Variants in GNPNAT1 observed in about 807,000 individuals in gnomAD.
The protein encoded by GNPNAT1 is glucosamine 6-phosphate N-acetyltransferase.
A neutral mutation model predicts 19.8 loss-of-function variants in GNPNAT1; 11 were observed. That is an observed-to-expected ratio of 0.56 (90% confidence interval 0.35 to 0.92). The LOEUF (loss-of-function observed/expected upper bound fraction) is 0.92. GNPNAT1 is among the 40% of genes least tolerant of loss of function. GNPNAT1 has a pLI of 0.01. For missense variants in GNPNAT1, 157 were observed against 211.0 expected (o/e 0.74, Z 1.59); for synonymous variants, 71 against 72.3 (o/e 0.98, Z 0.09).
At position 52,790,250 on chromosome 14, in the gene GNPNAT1, A is replaced by G. The variant is rs1016395414; in HGVS notation, c.-15+1178T>C. ...ATGAAGATTTTAAAAGTCGATCTACAAATTTTAAAAAATACAATCTAAGGC... is the reference window on the plus strand; with the variant it reads ...ATGAAGATTTTAAAAGTCGATCTACGAATTTTAAAAAATACAATCTAAGGC... On this transcript the variant is annotated intron_variant, in intron 1 of 5. Transcript: ENST00000216410. Among the ~76,000 whole-genome samples, 19 of 152,356 alleles carry G rather than the reference A, an allele frequency of 1.2e-4. No individual in the cohort carries two copies. In the South Asian group the frequency reaches 1.9e-3, roughly 15 times the overall value.
At position 52,777,679 on chromosome 14, in the gene GNPNAT1, T is replaced by C. The variant is rs1415435765; in HGVS notation, c.*632A>G. The C allele has an allele frequency of 6.6e-6, 1 of 152,218 alleles. No homozygotes were observed. Among genetic ancestry groups the C allele is most frequent in the Non-Finnish European group, 1.5e-5 (1 of 68,030 alleles). The allele number at this position is 152,218 out of a possible 1,614,324, so 9.4% of individuals were successfully genotyped here. A position where few individuals can be genotyped will look rare whatever the true frequency, so the allele number is the denominator to read the frequency against. ...TGGTACTTTTTATCTACATAGACTA[T>C]ACTATATAAACTTTCAGTAAAACAT... On this transcript the variant is annotated 3_prime_UTR_variant, in exon 6 of 6. Coordinates refer to ENST00000216410, the MANE Select transcript of GNPNAT1 (RefSeq NM_198066.4).
rs1594889059 is a variant in GNPNAT1, at chr14:52,776,585, C to G, written c.*1726G>C. 1.3e-5 allele frequency: 2 copies of G among 152,204 alleles called. No individual in the cohort carries two copies. Among genetic ancestry groups the G allele is most frequent in the African/African-American group, 4.8e-5 (2 of 41,422 alleles). 9.4% of individuals were successfully genotyped at this position (152,204 alleles called of 1,614,324 possible). A position where few individuals can be genotyped will look rare whatever the true frequency, so the allele number is the denominator to read the frequency against. On this transcript the variant is annotated 3_prime_UTR_variant, in exon 6 of 6. Coordinates refer to ENST00000216410, the MANE Select transcript of GNPNAT1 (RefSeq NM_198066.4). ...TTTTTGTTTTGTTTTGAGATGGAGTCTCTCTCTGTCGCCAGGCTGGAGTGC... is the reference window on the plus strand; with the variant it reads ...TTTTTGTTTTGTTTTGAGATGGAGTGTCTCTCTGTCGCCAGGCTGGAGTGC...
At chr14:52,788,535 T>C (rs971015418) in intron 1 of GNPNAT1, among the ~76,000 whole-genome samples, 1 of 152,236 alleles carries the variant, frequency 6.6e-6, no homozygotes, top group African/African-American at 2.4e-5. Context: ...GAATGGTAGG[T>C]AGCAACATTG....
At position 52,777,026 on chromosome 14, in the gene GNPNAT1, C is replaced by CT. The variant is rs1474802896; in HGVS notation, c.*1284dup. On this transcript the variant is annotated 3_prime_UTR_variant, in exon 6 of 6. Transcript: ENST00000216410. ...GCTATAAGCAGGTAAGTAGTGCACTCTATTGGTGAAGGATTTCTGTTGTTT... is the reference window on the plus strand; with the variant it reads ...GCTATAAGCAGGTAAGTAGTGCACTCTTATTGGTGAAGGATTTCTGTTGTTT... 1 of 152,204 alleles carries CT rather than the reference C, an allele frequency of 6.6e-6. No homozygotes were observed. Among genetic ancestry groups the CT allele is most frequent in the Non-Finnish European group, 1.5e-5 (1 of 68,044 alleles). 9.4% of individuals were successfully genotyped at this position (152,204 alleles called of 1,614,324 possible).
Position 52,778,137 on chromosome 14 carries a change from C to T in GNPNAT1, c.*174G>A. The T allele has an allele frequency of 2.4e-6, 1 of 410,318 alleles. No homozygotes were observed. The highest frequency in any genetic ancestry group is 4.5e-5 in the Admixed American group (1 of 22,374). The allele number at this position is 410,318 out of a possible 1,614,324, so 25.4% of individuals were successfully genotyped here. A position where few individuals can be genotyped will look rare whatever the true frequency, so the allele number is the denominator to read the frequency against. On this transcript the variant is annotated 3_prime_UTR_variant, in exon 6 of 6. Transcript: ENST00000216410. ...ATTCATTTGTAATCTAAATTCACAG[C>T]ATGTCCCACCAGCCCAAAGTAATCT...
At chr14:52,789,769 A>C (rs1883111530) in intron 1 of GNPNAT1, among the ~76,000 whole-genome samples, 3 of 152,198 alleles carry the variant, frequency 2.0e-5, no homozygotes, top group Admixed American at 2.0e-4. Context: ...AGTTGTGTGA[A>C]GCGGAATCTC....
At chr14:52,783,750 T>C (rs1285812875) in intron 2 of GNPNAT1, among the ~76,000 whole-genome samples, 1 of 152,150 alleles carries the variant, frequency 6.6e-6, no homozygotes. Context: ...ACCCAGAACA[T>C]ACATTCTTCA....
At chr14:52,783,566 G>C in intron 2 of GNPNAT1, 81 bp from the exon 3 acceptor site, 1 of 837,296 alleles carries the variant, frequency 1.2e-6, no homozygotes, top group Non-Finnish European at 2.0e-6. Context: ...TTAAGCAGGT[G>C]GGCTTACAGG....
chr14:52,788,747 C>A (rs1883081068), intron 1 of GNPNAT1, among the ~76,000 whole-genome samples: 1 of 152,054 alleles, frequency 6.6e-6, no homozygotes, highest in Admixed American at 6.5e-5. Context: ...ATTCCTTTTT[C>A]CTATAAAGTT....
chr14:52,785,828 A>C (rs2139970395), intron 1 of GNPNAT1, among the ~76,000 whole-genome samples: 1 of 144,254 alleles, frequency 6.9e-6, no homozygotes, highest in South Asian at 2.3e-4. Context: ...GCTCACCACA[A>C]CCTCCGCCTC....
chr14:52,779,676 G>C (rs1377756054), intron 5 of GNPNAT1, among the ~76,000 whole-genome samples: 1 of 118,990 alleles, frequency 8.4e-6, no homozygotes, highest in African/African-American at 3.2e-5. Flanking sequence ...AGCTGTGATC[G>C]TACCACTGTA....
At chr14:52,786,117 T>C (rs1040307167) in intron 1 of GNPNAT1, among the ~76,000 whole-genome samples, 2 of 148,878 alleles carry the variant, frequency 1.3e-5, no homozygotes, top group Admixed American at 1.3e-4. Context: ...CAGGCTCAAA[T>C]TAATTTTTTT....
chr14:52,778,419 G>T lies in GNPNAT1; in HGVS notation c.447C>A (p.Asn149Lys). 1 of 1,609,680 alleles carries T rather than the reference G, an allele frequency of 6.2e-7. No homozygotes were observed. The highest frequency in any genetic ancestry group is 8.5e-7 in the Non-Finnish European group (1 of 1,178,524). Residue 149 changes from asparagine (N) to lysine (K), a missense_variant, in exon 6 of 6, where the codon AAC becomes AAA. Asn to Lys is a moderately conservative substitution (Grantham distance 94, BLOSUM62 0). Transcript: ENST00000216410. ...STLTLLSKKL[N>K]CYKITLECLP... is the part of the protein sequence containing the mutation. ...GACATTCAAGGGTAATCTTGTAACA[G>T]TTCAGTTTCTTGCTTAGCAAAGTAA...
rs1882767927 is a variant in GNPNAT1, at chr14:52,777,546, G to A, written c.*765C>T. 1 of 152,108 alleles carries A rather than the reference G, an allele frequency of 6.6e-6. No homozygotes were observed. The highest frequency in any genetic ancestry group is 6.6e-5 in the Admixed American group (1 of 15,266). The allele number at this position is 152,108 out of a possible 1,614,324, so 9.4% of individuals were successfully genotyped here. On this transcript the variant is annotated 3_prime_UTR_variant, in exon 6 of 6. Transcript: ENST00000216410. ...AAAAAAATCAGGGTAGAAACACATA[G>A]GCTGAGGTTTGCTAATTCACTGTTT... is the stretch of plus-strand genomic sequence containing the variant.
chr14:52,790,484 G>A (rs757354734), intron 1 of GNPNAT1, among the ~76,000 whole-genome samples: 1 of 152,188 alleles, frequency 6.6e-6, no homozygotes, highest in African/African-American at 2.4e-5. Context: ...ATGTTCAAAA[G>A]TATTTTCTGA....
At chr14:52,785,003 G>A (rs1440726546) in intron 1 of GNPNAT1, among the ~76,000 whole-genome samples, 3 of 144,750 alleles carry the variant, frequency 2.1e-5, no homozygotes, top group Non-Finnish European at 4.5e-5. Flanking sequence ...CCGGCTCACT[G>A]CAACCTCTGC....
At chr14:52,781,278 C>T (rs573531418) in intron 4 of GNPNAT1, among the ~76,000 whole-genome samples, 68 of 152,030 alleles carry the variant, frequency 4.5e-4, no homozygotes, top group Non-Finnish European at 8.5e-4. Context: ...ATGTCTAGTA[C>T]AGAAACCCCA....
At position 52,780,706 on chromosome 14, in the gene GNPNAT1, T is replaced by G. The variant is rs758056533; in HGVS notation, c.380A>C (p.Glu127Ala). The G allele has an allele frequency of 1.2e-6, 2 of 1,607,166 alleles. No homozygotes were observed. The highest frequency in any genetic ancestry group is 1.7e-6 in the Non-Finnish European group (2 of 1,174,238). ...TTTGCCAAGCTGCTTTCCTCTGCAT[T>G]CATCACTAACAACAACATCTTCTAC... ...GRVEDVVVSD[E>A]CRGKQLGKLL... Residue 127 changes from glutamate to alanine, a missense_variant, in exon 5 of 6, where the codon GAA (glutamate) becomes GCA (alanine). Glu to Ala is a moderately radical substitution (Grantham distance 107). Coordinates refer to ENST00000216410, the MANE Select transcript of GNPNAT1 (RefSeq NM_198066.4).
At chr14:52,784,393 A>G in intron 2 of GNPNAT1, 104 bp downstream of exon 2, 2 of 922,724 alleles carry the variant, frequency 2.2e-6, no homozygotes, top group Non-Finnish European at 3.0e-6. Flanking sequence ...TATTATACAA[A>G]AAATAGTCCA....
Sources: gnomAD v4.1 joint callset for allele counts (sites outside exome capture counted in the v4.1 genomes callset) on GRCh38, gnomAD v4.1.1 for gene constraint, MANE v1.5 for transcripts, NCBI Gene and HGNC (gene_info 2026-07-23, HGNC 2026-07-21) for gene names.